ADAMTSL3: variants seen among roughly 807,000 people sequenced by gnomAD.
ADAMTSL3 encodes the protein ADAMTS like 3, also known as ADAMTS-like protein 3.
In ADAMTSL3, 128 loss-of-function variants were observed where a neutral mutation model predicts 201.7. That is an observed-to-expected ratio of 0.63 (90% CI 0.55 to 0.73). The LOEUF (loss-of-function observed/expected upper bound fraction) is 0.73, where lower values mean the gene tolerates loss of function less well. Among genes scored for constraint, ADAMTSL3 ranks in the 30% least tolerant of loss-of-function variants. The pLI, the probability that ADAMTSL3 is intolerant of heterozygous loss-of-function variation, is 0.00. For missense variants in ADAMTSL3, 1,990 were observed against 2,119.6 expected (o/e 0.94, Z 1.20); for synonymous variants, 738 against 748.4 (o/e 0.99, Z 0.23).
chr15:83,688,026 A>C (rs554344865), intron 2 of ADAMTSL3, among the ~76,000 whole-genome samples: 164 of 152,328 alleles, frequency 1.1e-3, no homozygotes, highest in Non-Finnish European at 2.0e-3. Context: ...AAGCTAAGAG[A>C]CTTGGAGAAC....
intron 19 of ADAMTSL3, chr15:83,962,665 C>T (rs995278372): frequency 6.6e-5 from 10 of 152,166 alleles, no homozygotes; most frequent in Admixed American, 3.3e-4. Context: ...CCTTTTTATA[C>T]ATTTGTATTT....
intron 19 of ADAMTSL3, among the ~76,000 whole-genome samples, chr15:83,946,191 C>T (rs1006363689): frequency 6.6e-6 from 1 of 152,240 alleles, no homozygotes; most frequent in Non-Finnish European, 1.5e-5. Flanking sequence ...CCTGGTGGAA[C>T]AAACGGTTGT....
chr15:83,866,815 A>G (rs968298949), intron 8 of ADAMTSL3, among the ~76,000 whole-genome samples: 5 of 152,190 alleles, frequency 3.3e-5, no homozygotes, highest in African/African-American at 1.2e-4. Context: ...ATTTATGTGT[A>G]TATGTTCTGG....
chr15:83,663,110 A>T (rs1185516868), intron 2 of ADAMTSL3, among the ~76,000 whole-genome samples: 4 of 152,120 alleles, frequency 2.6e-5, no homozygotes, highest in Non-Finnish European at 5.9e-5. Context: ...CCCATAGGAA[A>T]TGCATGCTTC....
chr15:83,821,705 T>C (rs1241789843), intron 6 of ADAMTSL3, among the ~76,000 whole-genome samples: 1 of 152,242 alleles, frequency 6.6e-6, no homozygotes, highest in Non-Finnish European at 1.5e-5. Context: ...CCCCACTTTC[T>C]ATTCCACAAA....
chr15:83,715,800 C>T (rs548634825), intron 3 of ADAMTSL3, among the ~76,000 whole-genome samples: 2 of 152,302 alleles, frequency 1.3e-5, no homozygotes, highest in East Asian at 3.9e-4. Context: ...CCATTTCTCT[C>T]TGTGTGCCCT....
intron 8 of ADAMTSL3, among the ~76,000 whole-genome samples, chr15:83,863,260 C>G (rs2064904669): frequency 6.6e-6 from 1 of 152,132 alleles, no homozygotes; most frequent in Non-Finnish European, 1.5e-5. Context: ...CAGCTCTGCA[C>G]CAAGCAGACC....
At chr15:83,868,023 C>T (rs148613707) in intron 8 of ADAMTSL3, among the ~76,000 whole-genome samples, 1 of 152,128 alleles carries the variant, frequency 6.6e-6, no homozygotes, top group Non-Finnish European at 1.5e-5. Flanking sequence ...TCATATCTTC[C>T]TCAACACTTC....
At chr15:83,900,172 G>A (rs772378810) in intron 15 of ADAMTSL3, among the ~76,000 whole-genome samples, 2 of 152,200 alleles carry the variant, frequency 1.3e-5, no homozygotes, top group Admixed American at 6.5e-5. Flanking sequence ...GGTACTAAGA[G>A]TATTGGAGCT....
intron 3 of ADAMTSL3, among the ~76,000 whole-genome samples, chr15:83,762,276 G>A (rs936527642): frequency 1.3e-5 from 2 of 152,060 alleles, no homozygotes; most frequent in African/African-American, 4.8e-5. Context: ...GTTCACATGT[G>A]GAAAGGGAGT....
intron 2 of ADAMTSL3, among the ~76,000 whole-genome samples, chr15:83,681,538 G>T: frequency 6.6e-6 from 1 of 152,126 alleles, no homozygotes. Context: ...GAATGGATTC[G>T]GGATTAATGT....
At chr15:83,898,575 C>G (rs2065663140) in intron 14 of ADAMTSL3, among the ~76,000 whole-genome samples, 1 of 152,020 alleles carries the variant, frequency 6.6e-6, no homozygotes, top group Admixed American at 6.6e-5. Context: ...TTTATAATCT[C>G]TCCAGTAGTT....
chr15:83,862,478 GA>G (rs1022768269), intron 8 of ADAMTSL3: 3 of 152,180 alleles, frequency 2.0e-5, no homozygotes, highest in African/African-American at 7.2e-5. Context: ...AATTCTTAAA[GA>G]AAAGAATTTT....
intron 15 of ADAMTSL3, among the ~76,000 whole-genome samples, chr15:83,904,315 T>A (rs2065793747): frequency 6.6e-6 from 1 of 152,074 alleles, no homozygotes; most frequent in Admixed American, 6.6e-5. Flanking sequence ...TCTGACTCTA[T>A]TCATTCCCTC....
chr15:83,949,274 G>T (rs1262337146), intron 19 of ADAMTSL3, among the ~76,000 whole-genome samples: 1 of 152,104 alleles, frequency 6.6e-6, no homozygotes, highest in Non-Finnish European at 1.5e-5. Context: ...GTCTTTCTGT[G>T]CCTGGCTTAT....
rs556006870 is a variant in ADAMTSL3 at position 83,907,904 on chromosome 15, A to G, written c.1701-5188A>G. On this transcript the variant is annotated intron_variant, in intron 15 of 29. Coordinates refer to ENST00000286744, the MANE Select transcript of ADAMTSL3 (RefSeq NM_207517.3). The stretch of plus-strand genomic sequence containing the variant: ...CTATGAGTAAATAGCCAGTAGTGGA[A>G]TTGCTGGATCAAACGGCAGTTTTAT... Among the ~76,000 whole-genome samples the G allele has an allele frequency of 3.9e-5, 6 of 152,334 alleles. No individual in the cohort carries two copies. In the South Asian group the frequency reaches 1.2e-3, roughly 32 times the overall value.
At chr15:83,666,219 A>G (rs1464905906) in intron 2 of ADAMTSL3, among the ~76,000 whole-genome samples, 4 of 152,208 alleles carry the variant, frequency 2.6e-5, no homozygotes, top group East Asian at 1.9e-4. Context: ...ATATTTTCCT[A>G]TAATGATATT....
intron 16 of ADAMTSL3, among the ~76,000 whole-genome samples, chr15:83,921,036 G>T (rs1395444842): frequency 6.6e-6 from 1 of 152,118 alleles, no homozygotes; most frequent in Non-Finnish European, 1.5e-5. Flanking sequence ...ATTTCATGAG[G>T]ATACTGAAAT....
chr15:84,034,623 T>C (rs981326023), intron 28 of ADAMTSL3, among the ~76,000 whole-genome samples: 1 of 152,124 alleles, frequency 6.6e-6, no homozygotes, highest in Non-Finnish European at 1.5e-5. Context: ...TTCTGTAAAA[T>C]AAAGATGCTT....
Sources: allele counts gnomAD v4.1 joint callset (sites outside exome capture counted in the v4.1 genomes callset), GRCh38; gene constraint gnomAD v4.1.1; transcripts MANE v1.5; gene names NCBI Gene and HGNC (gene_info 2026-07-23, HGNC 2026-07-21).